The following CACNA2D1 variants were observed in gnomAD, a reference collection of about 807,000 sequenced individuals.
CACNA2D1 encodes calcium voltage-gated channel auxiliary subunit alpha2delta 1, also known as voltage-dependent calcium channel subunit alpha-2/delta-1.
CACNA2D1 carries 53 observed loss-of-function variants against 171.5 expected under a neutral mutation model. The observed-to-expected ratio is 0.31, with a 90% confidence interval of 0.25 to 0.39. The LOEUF (loss-of-function observed/expected upper bound fraction) is 0.39, where lower values mean the gene tolerates loss of function less well. Among genes scored for constraint, CACNA2D1 ranks in the 10% least tolerant of loss-of-function variants. CACNA2D1 has a pLI of 1.00. For synonymous variants in CACNA2D1, 442 were observed against 443.1 expected (o/e 1.00, Z 0.03); for missense variants, 903 against 1,299.8 (o/e 0.69, Z 4.69).
chr7:82,147,720 C>G (rs959914733), intron 4 of CACNA2D1, among the ~76,000 whole-genome samples: 6 of 152,118 alleles, frequency 3.9e-5, no homozygotes, highest in Non-Finnish European at 8.8e-5. Context: ...TCATTATCAA[C>G]TCCAGATTAT....
chr7:82,083,828 A>G (rs75105647), intron 7 of CACNA2D1, among the ~76,000 whole-genome samples: 55 of 152,212 alleles, frequency 3.6e-4, no homozygotes, highest in African/African-American at 1.3e-3. Context: ...CCAAACTTAT[A>G]TATTTTCTAA....
At chr7:82,138,667 T>C (rs1792000016) in intron 4 of CACNA2D1, among the ~76,000 whole-genome samples, 1 of 151,938 alleles carries the variant, frequency 6.6e-6, no homozygotes, top group Admixed American at 6.6e-5. Flanking sequence ...AGGATGGTCT[T>C]GATCTCCTGA....
chr7:82,158,477 A>T (rs951128351), intron 4 of CACNA2D1, among the ~76,000 whole-genome samples: 7 of 1,842 alleles, frequency 3.8e-3, no homozygotes, highest in Admixed American at 0.015. Flanking sequence ...AACCAAGTTA[A>T]AAAAAAAAAG....
intron 3 of CACNA2D1, among the ~76,000 whole-genome samples, chr7:82,203,147 G>A: frequency 6.6e-6 from 1 of 152,148 alleles, no homozygotes; most frequent in Non-Finnish European, 1.5e-5. Context: ...CCGGCTTGCA[G>A]GGATACCTGA....
intron 1 of CACNA2D1, among the ~76,000 whole-genome samples, chr7:82,422,793 G>A (rs1375071880): frequency 6.6e-6 from 1 of 152,026 alleles, no homozygotes; most frequent in Middle Eastern, 3.4e-3. Context: ...GTTTCATTAG[G>A]TAAAATCCTA....
intron 10 of CACNA2D1, among the ~76,000 whole-genome samples, chr7:82,039,727 A>C (rs1803718407): frequency 6.6e-6 from 1 of 152,220 alleles, no homozygotes; most frequent in Non-Finnish European, 1.5e-5. Context: ...TTCCAGAGAA[A>C]TGTTCCAGTG....
At chr7:82,226,455 T>C (rs912007568) in intron 3 of CACNA2D1, among the ~76,000 whole-genome samples, 1 of 152,304 alleles carries the variant, frequency 6.6e-6, no homozygotes, top group Admixed American at 6.5e-5. Context: ...CCATCCCTTC[T>C]AGAGAAAGGG....
intron 3 of CACNA2D1, among the ~76,000 whole-genome samples, chr7:82,205,493 C>T (rs1230991290): frequency 1.3e-5 from 2 of 151,962 alleles, no homozygotes; most frequent in East Asian, 3.9e-4. Flanking sequence ...AGTAGGACAA[C>T]ATATGTTGTC....
chr7:82,419,821 T>C (rs1585897056), intron 1 of CACNA2D1, among the ~76,000 whole-genome samples: 1 of 152,224 alleles, frequency 6.6e-6, no homozygotes, highest in Non-Finnish European at 1.5e-5. Context: ...CAGATTCAAC[T>C]AGATATCTGC....
In CACNA2D1 at chr7:82,301,310, G is replaced by A. The variant is rs149736087; in HGVS notation, c.294+33825C>T. On this transcript the variant is annotated intron_variant, in intron 3 of 38. Coordinates refer to ENST00000356860, the MANE Select transcript of CACNA2D1 (RefSeq NM_000722.4). ...CCCGGTTAATTTTGTATTTTTAGTA[G>A]AGACGGGGTTTCTCCATGTTGGTCA... 7.9e-3 allele frequency among the ~76,000 whole-genome samples: 1,200 copies of A among 152,176 alleles called. 24 individuals are homozygous for A. The highest frequency in any genetic ancestry group is 0.028 in the African/African-American group (1,143 of 41,522).
chr7:82,005,879 A>T, intron 16 of CACNA2D1, 40 bp from the exon 17 acceptor site: 1 of 1,158,942 alleles, frequency 8.6e-7, no homozygotes. Context: ...TATGTCAAAA[A>T]TTTACGTATT....
intron 1 of CACNA2D1, among the ~76,000 whole-genome samples, chr7:82,386,727 C>T (rs1824435964): frequency 6.7e-6 from 1 of 148,706 alleles, no homozygotes; most frequent in African/African-American, 2.5e-5. Context: ...GAGCAAAACT[C>T]TGTCTCAAAA....
chr7:81,967,516 T>C (rs1013192010), intron 30 of CACNA2D1, 80 bp downstream of exon 30: 23 of 754,440 alleles, frequency 3.0e-5, no homozygotes, highest in Non-Finnish European at 5.0e-5. Flanking sequence ...TATTTGCCAC[T>C]GTATAAGGAC....
intron 1 of CACNA2D1, among the ~76,000 whole-genome samples, chr7:82,409,649 G>A (rs910834729): frequency 6.6e-6 from 1 of 152,150 alleles, no homozygotes; most frequent in Admixed American, 6.5e-5. Context: ...TGTATCTGTG[G>A]TATAAAGCCA....
chr7:82,401,706 T>C (rs1031939026), intron 1 of CACNA2D1, among the ~76,000 whole-genome samples: 2 of 144,728 alleles, frequency 1.4e-5, no homozygotes, highest in Non-Finnish European at 3.0e-5. Context: ...TGAAGTATAA[T>C]AATAAAAGAA....
chr7:82,420,385 A>G (rs1828603157), intron 1 of CACNA2D1, among the ~76,000 whole-genome samples: 2 of 152,218 alleles, frequency 1.3e-5, no homozygotes, highest in African/African-American at 4.8e-5. Context: ...GGCATCTACA[A>G]AATGCAAAAC....
chr7:82,265,416 CTTTTT>C (rs765047961), intron 3 of CACNA2D1, among the ~76,000 whole-genome samples: 7 of 77,306 alleles, frequency 9.1e-5, no homozygotes, highest in Admixed American at 3.2e-4. Flanking sequence ...TTTTTCCTTT[CTTTTT>C]TTTTTTTTTT....
At chr7:82,300,863 AT>A (rs1414734416) in intron 3 of CACNA2D1, among the ~76,000 whole-genome samples, 1 of 152,118 alleles carries the variant, frequency 6.6e-6, no homozygotes, top group Admixed American at 6.5e-5. Flanking sequence ...ATATAGTCTC[AT>A]TTTTCAAAAC....
At chr7:82,366,674 A>G (rs574905186) in intron 1 of CACNA2D1, among the ~76,000 whole-genome samples, 2 of 152,298 alleles carry the variant, frequency 1.3e-5, no homozygotes, top group African/African-American at 4.8e-5. Context: ...TAGCACTGCA[A>G]TGAACATACG....
Sources: gnomAD v4.1 joint callset for allele counts (sites outside exome capture counted in the v4.1 genomes callset) on GRCh38, gnomAD v4.1.1 for gene constraint, MANE v1.5 for transcripts, NCBI Gene and HGNC (gene_info 2026-07-23, HGNC 2026-07-21) for gene names.